CTNNBL1: variants seen among roughly 807,000 people sequenced by gnomAD.
CTNNBL1 encodes beta-catenin-like protein 1.
Under a neutral mutation model 72.7 loss-of-function variants are expected in CTNNBL1, and 31 were observed. That is an observed-to-expected ratio of 0.43 (90% CI 0.32 to 0.58). The LOEUF is 0.58. Among genes scored for constraint, CTNNBL1 ranks in the 20% least tolerant of loss-of-function variants. The pLI, the probability that CTNNBL1 is intolerant of heterozygous loss-of-function variation, is 0.08. For missense variants in CTNNBL1, 534 were observed against 725.1 expected, an observed-to-expected ratio of 0.74 and a Z score of 3.03; for synonymous variants, 240 against 267.3, an observed-to-expected ratio of 0.90 and a Z score of 1.00.
intron 13 of CTNNBL1, among the ~76,000 whole-genome samples, chr20:37,850,502 G>C (rs6067868): frequency 0.82 from 124,285 of 151,986 alleles, 50,869 homozygotes; most frequent in Middle Eastern, 0.89. Context: ...TAACATGTAG[G>C]CAGTCACTTG....
intron 6 of CTNNBL1, among the ~76,000 whole-genome samples, chr20:37,767,295 C>G (rs1003468707): frequency 6.6e-6 from 1 of 151,970 alleles, no homozygotes; most frequent in South Asian, 2.1e-4. Context: ...CATAGTCATG[C>G]AATAACTTTT....
intron 11 of CTNNBL1, among the ~76,000 whole-genome samples, chr20:37,819,657 C>T (rs1413776826): frequency 1.3e-5 from 2 of 151,802 alleles, no homozygotes; most frequent in Non-Finnish European, 2.9e-5. Context: ...GTATTTTTTC[C>T]AGAATTACAT....
At chr20:37,703,677 C>T (rs985271815) in intron 1 of CTNNBL1, among the ~76,000 whole-genome samples, 6 of 152,146 alleles carry the variant, frequency 3.9e-5, no homozygotes, top group Admixed American at 3.3e-4. Flanking sequence ...TCCCCATGGC[C>T]AGCTTTGCAT....
At chr20:37,738,250 T>G (rs1336345483) in intron 3 of CTNNBL1, among the ~76,000 whole-genome samples, 1 of 152,260 alleles carries the variant, frequency 6.6e-6, no homozygotes, top group Non-Finnish European at 1.5e-5. Context: ...TTCCCCTTTC[T>G]TAGCCTTGGG....
At chr20:37,737,020 G>C (rs998578326) in intron 2 of CTNNBL1, among the ~76,000 whole-genome samples, 1 of 151,854 alleles carries the variant, frequency 6.6e-6, no homozygotes. Context: ...TCAGGAGATC[G>C]AGACCATCCT....
chr20:37,844,964 A>G (rs1471132528), intron 13 of CTNNBL1, among the ~76,000 whole-genome samples: 4 of 152,112 alleles, frequency 2.6e-5, no homozygotes, highest in Non-Finnish European at 5.9e-5. Flanking sequence ...TAAAAACAAA[A>G]CACCTCGCGT....
In CTNNBL1 at chr20:37,842,328, C is replaced by T. The variant is rs774820354; in HGVS notation, c.1312-11C>T. ...TCCTTCTCACTCAAGCCTGTGAAAT[C>T]TCTCTTTCAGGTTGACAGACTAATG... is the stretch of plus-strand genomic sequence containing the variant. On this transcript the variant is annotated splice_polypyrimidine_tract_variant and intron_variant, in intron 12 of 15. Transcript: ENST00000361383. 6.3e-7 allele frequency: 1 copy of T among 1,598,178 alleles called. No individual in the cohort carries two copies. The highest frequency in any genetic ancestry group is 1.1e-5 in the South Asian group (1 of 90,730).
chr20:37,863,225 T>C (rs531363717), intron 15 of CTNNBL1, among the ~76,000 whole-genome samples: 1 of 152,236 alleles, frequency 6.6e-6, no homozygotes, highest in East Asian at 1.9e-4. Context: ...TTTACAGCCT[T>C]CCAGGGACAT....
intron 11 of CTNNBL1, among the ~76,000 whole-genome samples, chr20:37,820,598 C>T (rs972629934): frequency 6.6e-6 from 1 of 152,160 alleles, no homozygotes; most frequent in African/African-American, 2.4e-5. Flanking sequence ...TTCCCCCAAT[C>T]TCTTCTCGTG....
At chr20:37,775,124 T>C (rs539335730) in intron 7 of CTNNBL1, among the ~76,000 whole-genome samples, 2 of 152,324 alleles carry the variant, frequency 1.3e-5, no homozygotes, top group East Asian at 3.9e-4. Context: ...GTCCAAACCA[T>C]TTAATATATA....
In CTNNBL1 at chr20:37,694,070, C is replaced by T; in HGVS notation, c.-53C>T. 2 of 1,586,266 alleles carry T rather than the reference C, an allele frequency of 1.3e-6. No individual in the cohort carries two copies. Among genetic ancestry groups the T allele is most frequent in the South Asian group, 1.1e-5 (1 of 87,944 alleles). On this transcript the variant is annotated 5_prime_UTR_variant, in exon 1 of 16. Transcript: ENST00000361383. ...GTGGCTGGAGCCGCGGCTGACGGGC[C>T]CGCGGTCTGGGCGTGAGTGCAGGGA... is the stretch of plus-strand genomic sequence containing the variant.
intron 1 of CTNNBL1, among the ~76,000 whole-genome samples, chr20:37,712,623 A>G (rs1326552916): frequency 6.6e-6 from 1 of 152,240 alleles, no homozygotes; most frequent in African/African-American, 2.4e-5. Context: ...GTTCAAAATA[A>G]TACTAATACA....
At chr20:37,829,755 T>C (rs2122788191) in intron 11 of CTNNBL1, among the ~76,000 whole-genome samples, 1 of 152,248 alleles carries the variant, frequency 6.6e-6, no homozygotes, top group East Asian at 1.9e-4. Context: ...CATTCTTAGC[T>C]CCTCTGGCTG....
intron 15 of CTNNBL1, among the ~76,000 whole-genome samples, chr20:37,868,607 GAC>G (rs1201692761): frequency 2.6e-5 from 4 of 152,222 alleles, no homozygotes; most frequent in Non-Finnish European, 5.9e-5. Flanking sequence ...TGGGTGATGT[GAC>G]TGTTTGCTTC....
chr20:37,813,611 G>T (rs1023429936), intron 11 of CTNNBL1, among the ~76,000 whole-genome samples: 3 of 152,174 alleles, frequency 2.0e-5, no homozygotes, highest in East Asian at 1.9e-4. Flanking sequence ...TTTAGGGGCA[G>T]CATTACCAGA....
At chr20:37,742,830 G>A (rs1471871058) in intron 3 of CTNNBL1, among the ~76,000 whole-genome samples, 2 of 152,096 alleles carry the variant, frequency 1.3e-5, no homozygotes, top group Non-Finnish European at 2.9e-5. Flanking sequence ...TTGAGACAGA[G>A]TCTCACTGCA....
intron 4 of CTNNBL1, among the ~76,000 whole-genome samples, chr20:37,755,262 A>G (rs2073354292): frequency 6.6e-6 from 1 of 152,220 alleles, no homozygotes; most frequent in Non-Finnish European, 1.5e-5. Flanking sequence ...TTTTAATTTT[A>G]GAGAGGGAGA....
chr20:37,742,046 A>G (rs1445659429), intron 3 of CTNNBL1, among the ~76,000 whole-genome samples: 1 of 152,134 alleles, frequency 6.6e-6, no homozygotes, highest in Admixed American at 6.5e-5. Flanking sequence ...TAACTTTCCA[A>G]AGAAAGCTAT....
intron 11 of CTNNBL1, among the ~76,000 whole-genome samples, chr20:37,809,723 C>G (rs746315527): frequency 2.0e-5 from 3 of 152,158 alleles, no homozygotes; most frequent in Non-Finnish European, 2.9e-5. Flanking sequence ...GGTAGGGACT[C>G]TTACCATTTC....
Sources: allele counts gnomAD v4.1 joint callset (sites outside exome capture counted in the v4.1 genomes callset), GRCh38; gene constraint gnomAD v4.1.1; transcripts MANE v1.5; gene names NCBI Gene and HGNC (gene_info 2026-07-23, HGNC 2026-07-21).